Variants in STAR observed in about 807,000 individuals in gnomAD.
STAR encodes steroidogenic acute regulatory protein, mitochondrial.
Under a neutral mutation model 32.3 loss-of-function variants are expected in STAR, and 32 were observed. The observed-to-expected ratio is 0.99, with a 90% CI of 0.75 to 1.33. The LOEUF is 1.33. STAR is among the 40% of genes most tolerant of loss of function. STAR has a pLI of 0.00. For synonymous variants in STAR, 134 were observed against 140.5 expected, an observed-to-expected ratio of 0.95 and a Z score of 0.33; for missense variants, 375 against 379.0, an observed-to-expected ratio of 0.99 and a Z score of 0.09.
At chr8:38,148,054 G>A (rs969776791) in intron 3 of STAR, 146 bp downstream of exon 3, 19 of 1,047,248 alleles carry the variant, frequency 1.8e-5, no homozygotes, top group South Asian at 1.8e-4. Context: ...ATATATTCTC[G>A]AGAAAGGAGA....
In STAR at chr8:38,144,024, G is replaced by A; in HGVS notation, c.*249C>T. ...AAAAAAGTTTTACAATTATTTTAGG[G>A]GCCTGAACCCTCATGTCATAGCTAA... On this transcript the variant is annotated 3_prime_UTR_variant, in exon 7 of 7. Transcript: ENST00000276449. 2.2e-6 allele frequency: 1 copy of A among 460,036 alleles called. No individual in the cohort carries two copies. The highest frequency in any genetic ancestry group is 4.0e-6 in the Non-Finnish European group (1 of 248,050). The allele number at this position is 460,036 out of a possible 1,614,324, so 28.5% of individuals were successfully genotyped here.
chr8:38,150,224 AT>A (rs1802643349), intron 1 of STAR, among the ~76,000 whole-genome samples: 1 of 151,862 alleles, frequency 6.6e-6, no homozygotes. Flanking sequence ...TCTAAAAAAA[AT>A]AAAAATAAAA....
intron 6 of STAR, chr8:38,144,990 C>T (rs1585624049): frequency 4.5e-6 from 6 of 1,320,184 alleles, no homozygotes; most frequent in Non-Finnish European, 5.8e-6. Flanking sequence ...GCCTGAGTGA[C>T]AGAATGAAAC....
intron 3 of STAR, among the ~76,000 whole-genome samples, chr8:38,147,056 C>T (rs1263810729): frequency 2.0e-5 from 3 of 151,596 alleles, no homozygotes; most frequent in Non-Finnish European, 4.4e-5. Flanking sequence ...GGCACAATCA[C>T]GGGTCATTGC....
intron 5 of STAR, 130 bp from the exon 6 acceptor site, chr8:38,145,445 C>T: frequency 7.7e-7 from 1 of 1,290,322 alleles, no homozygotes; most frequent in East Asian, 2.5e-5. Context: ...AGGGAAGTGC[C>T]CTTTGCAAAG....
At chr8:38,150,075 T>C (rs927654215) in intron 1 of STAR, among the ~76,000 whole-genome samples, 5 of 151,626 alleles carry the variant, frequency 3.3e-5, no homozygotes, top group East Asian at 1.9e-4. Flanking sequence ...GGCAACAGAG[T>C]GAGACTCCAT....
chr8:38,145,785 T>C (rs978804558), intron 5 of STAR, 178 bp downstream of exon 5: 13 of 751,412 alleles, frequency 1.7e-5, no homozygotes, highest in Non-Finnish European at 2.6e-5. Flanking sequence ...GCTGTCCAAG[T>C]AGGGCCTATC....
At chr8:38,145,896 A>G in intron 5 of STAR, 67 bp downstream of exon 5, 3 of 1,603,812 alleles carry the variant, frequency 1.9e-6, no homozygotes, top group African/African-American at 1.3e-5. Flanking sequence ...TGCAGTCCAC[A>G]TGCTTGGGTG....
intron 5 of STAR, 162 bp downstream of exon 5, chr8:38,145,800 CT>C: frequency 2.3e-6 from 2 of 877,862 alleles, no homozygotes; most frequent in Non-Finnish European, 3.5e-6. Context: ...CCTATCTTGT[CT>C]TTGTCCCTCC....
chr8:38,148,167 T>C (rs746920563), intron 3 of STAR, 33 bp downstream of exon 3: 5 of 1,613,292 alleles, frequency 3.1e-6, no homozygotes, highest in African/African-American at 2.7e-5. Context: ...CAGTGGAGCA[T>C]GGAGGAACCA....
intron 1 of STAR, chr8:38,148,988 G>C (rs979852481): frequency 9.1e-6 from 5 of 547,364 alleles, no homozygotes; most frequent in South Asian, 6.0e-5. Flanking sequence ...GCCTGGCCCT[G>C]CCTGGAGATG....
At chr8:38,144,568 G>T in intron 6 of STAR, 182 bp from the exon 7 acceptor site, 1 of 1,452,176 alleles carries the variant, frequency 6.9e-7, no homozygotes, top group Non-Finnish European at 9.1e-7. Flanking sequence ...ATGACTTTCA[G>T]AAGCACAAGA....
rs745757569 is a variant in STAR at position 38,146,304 on chromosome 8, A to G, written c.450T>C (p.Asn150=). 82 of 1,613,804 alleles carry G rather than the reference A, an allele frequency of 5.1e-5. 1 individual carries two copies. Among genetic ancestry groups the G allele is most frequent in the Non-Finnish European group, 5.2e-5 (61 of 1,179,980 alleles). ...CTTTGCTCACCTTGATCTCCTTGACATTGGGGTTCCACTCCCCCATTGCTT... is the reference window on the plus strand; with the variant it reads ...CTTTGCTCACCTTGATCTCCTTGACGTTGGGGTTCCACTCCCCCATTGCTT... ...RMEAMGEWNP[N]VKEIKVLQKI... is the part of the protein sequence containing the mutation. Residue 150 remains asparagine (N), a synonymous_variant, in exon 4 of 7, where the codon AAT becomes AAC. Transcript: ENST00000276449.
At chr8:38,145,009 GAAA>G (rs140343934) in intron 6 of STAR, 177,675 of 1,077,560 alleles carry the variant, frequency 0.16, 14 homozygotes, top group Non-Finnish European at 0.18. Flanking sequence ...ACTGAGTCTC[GAAA>G]AAAAAAAAAA....
At position 38,150,853 on chromosome 8, in the gene STAR, TGCCGCTGCTGCTGCC is replaced by T. The variant is rs752684152; in HGVS notation, c.-50_-36del. 108 of 1,601,240 alleles carry T rather than the reference TGCCGCTGCTGCTGCC, an allele frequency of 6.7e-5. No homozygotes were observed. Among genetic ancestry groups the T allele is most frequent in the Middle Eastern group, 6.6e-4 (4 of 6,036 alleles). ...GCAAATGTGGCAGTGGTGGGGTCGC[TGCCGCTGCTGCTGCC>T]GCCGCTGCTGCTGCCTCTTCTCTCA... is the stretch of plus-strand genomic sequence containing the variant. On this transcript the variant is annotated 5_prime_UTR_variant, in exon 1 of 7. Transcript: ENST00000276449.
In STAR at chr8:38,146,019, C is replaced by G. The variant is rs1451862185; in HGVS notation, c.594G>C (p.Val198=). 4 of 1,614,252 alleles carry G rather than the reference C, an allele frequency of 2.5e-6. No individual in the cohort carries two copies. The highest frequency in any genetic ancestry group is 3.4e-6 in the Non-Finnish European group (4 of 1,180,052). The stretch of plus-strand genomic sequence containing the variant: ...CGAAGTCTGTGGCCATGCCAGCCAG[C>G]ACACAGGTGGAGCCTCGGCGCTTGG... ...RCAKRRGSTC[V]LAGMATDFGN... Residue 198 remains valine, a synonymous_variant, in exon 5 of 7, where the codon GTG becomes GTC. Coordinates refer to ENST00000276449, the MANE Select transcript of STAR (RefSeq NM_000349.3).
At chr8:38,148,172 GA>G (rs747633517) in intron 3 of STAR, 27 bp downstream of exon 3, 54 of 1,613,476 alleles carry the variant, frequency 3.3e-5, no homozygotes, top group Non-Finnish European at 4.4e-5. Context: ...GAGCATGGAG[GA>G]ACCACAGGCT....
At chr8:38,146,577 A>G (rs1180590375) in intron 3 of STAR, 130 bp from the exon 4 acceptor site, 1 of 994,746 alleles carries the variant, frequency 1.0e-6, no homozygotes, top group African/African-American at 1.6e-5. Context: ...GGAGTTCGAG[A>G]CCAGCCTGGC....
At chr8:38,145,860 AAGGGT>A in intron 5 of STAR, 98 bp downstream of exon 5, 1 of 1,445,078 alleles carries the variant, frequency 6.9e-7, no homozygotes, top group Non-Finnish European at 9.7e-7. Flanking sequence ...TGGGTGCACC[AAGGGT>A]TGGTTTCTTG....
Sources: gnomAD v4.1 joint callset for allele counts (sites outside exome capture counted in the v4.1 genomes callset) on GRCh38, gnomAD v4.1.1 for gene constraint, MANE v1.5 for transcripts, NCBI Gene and HGNC (gene_info 2026-07-23, HGNC 2026-07-21) for gene names.